Variants in PCDHGA7 observed in about 807,000 individuals in gnomAD.
The protein encoded by PCDHGA7 is protocadherin gamma subfamily A, 7, also known as protocadherin gamma-A7.
PCDHGA7 carries 44 observed loss-of-function variants against 58.3 expected under a neutral mutation model. The ratio of observed to expected loss-of-function variants is 0.75; its 90% CI spans 0.59 to 0.97. PCDHGA7 has a LOEUF of 0.97. Ranked by LOEUF, PCDHGA7 falls within the 50% of genes least tolerant of loss-of-function variation. PCDHGA7 has a pLI of 0.00. For missense variants in PCDHGA7, 1,266 were observed against 1,188.7 expected (o/e 1.06, Z -0.96); for synonymous variants, 516 against 504.2 (o/e 1.02, Z -0.31).
At chr5:141,403,314 T>C (rs1178188100) in intron 1 of PCDHGA7, 7 of 1,613,856 alleles carry the variant, frequency 4.3e-6, no homozygotes, top group Non-Finnish European at 5.1e-6. Flanking sequence ...GGAATAGAAA[T>C]AGAAGTAACT....
intron 1 of PCDHGA7, chr5:141,422,419 A>G (rs1318381358): frequency 8.7e-6 from 14 of 1,607,158 alleles, no homozygotes; most frequent in Non-Finnish European, 1.2e-5. Context: ...ATTAGAAAAG[A>G]CTTATGGAAA....
chr5:141,388,382 A>T, intron 1 of PCDHGA7: 1 of 1,614,018 alleles, frequency 6.2e-7, no homozygotes, highest in Non-Finnish European at 8.5e-7. Flanking sequence ...GTAGCAACAC[A>T]CTGCAGAATT....
chr5:141,409,293 T>G, intron 1 of PCDHGA7: 1 of 1,613,992 alleles, frequency 6.2e-7, no homozygotes, highest in Non-Finnish European at 8.5e-7. Flanking sequence ...CCTCCAGGAA[T>G]GGTTGTTGCC....
At chr5:141,389,480 C>G in intron 1 of PCDHGA7, 1 of 1,613,150 alleles carries the variant, frequency 6.2e-7, no homozygotes, top group Non-Finnish European at 8.5e-7. Flanking sequence ...CACTGCAGGC[C>G]CGCGACCAGG....
At chr5:141,423,150 G>T in intron 1 of PCDHGA7, 1 of 1,613,538 alleles carries the variant, frequency 6.2e-7, no homozygotes, top group Non-Finnish European at 8.5e-7. Flanking sequence ...CGCTCAAGCA[G>T]AGCCTCGTGG....
intron 2 of PCDHGA7, among the ~76,000 whole-genome samples, chr5:141,499,234 A>G (rs1294400331): frequency 6.6e-6 from 1 of 152,008 alleles, no homozygotes; most frequent in Non-Finnish European, 1.5e-5. Flanking sequence ...AGCTGTCCCC[A>G]GCCTCTGCAC....
At chr5:141,479,953 CAGTT>C (rs1198160373) in intron 1 of PCDHGA7, among the ~76,000 whole-genome samples, 1 of 152,182 alleles carries the variant, frequency 6.6e-6, no homozygotes, top group African/African-American at 2.4e-5. Flanking sequence ...TTGGATTTGG[CAGTT>C]AGTCAAATGA....
At chr5:141,499,689 CTTTTTTTTTTT>C in intron 2 of PCDHGA7, among the ~76,000 whole-genome samples, 1 of 119,852 alleles carries the variant, frequency 8.3e-6, no homozygotes, top group Non-Finnish European at 1.7e-5. Context: ...TAACAGATGA[CTTTTTTTTTTT>C]TTTTTTTTTT....
chr5:141,423,672 T>A, intron 1 of PCDHGA7: 2 of 1,549,982 alleles, frequency 1.3e-6, no homozygotes, highest in Non-Finnish European at 1.7e-6. Context: ...TGAGATTTAT[T>A]TCTCTGCCTC....
At chr5:141,506,213 A>G (rs2154593866) in intron 3 of PCDHGA7, among the ~76,000 whole-genome samples, 1 of 152,204 alleles carries the variant, frequency 6.6e-6, no homozygotes, top group South Asian at 2.1e-4. Flanking sequence ...CACTTTGGGA[A>G]GCTGAGGCAG....
rs1588986326 is a variant in PCDHGA7, at chr5:141,385,013, T to C, written c.2114T>C (p.Leu705Pro). 1 of 1,614,162 alleles carries C rather than the reference T, an allele frequency of 6.2e-7. No homozygotes were observed. Among genetic ancestry groups the C allele is most frequent in the Non-Finnish European group, 8.5e-7 (1 of 1,180,034 alleles). ...GTGGCCACAGTCTCCTGCGTCTTCC[T>C]AGCCTTCGTCCTCGTACTGCTGGCG... ...VAVATVSCVF[L>P]AFVLVLLALR... Residue 705 changes from leucine (L) to proline (P), a missense_variant, in exon 1 of 4, where the codon CTA (leucine) becomes CCA (proline). Physicochemically the swap from Leu to Pro is moderately conservative, Grantham distance 98. Coordinates refer to ENST00000518325, the MANE Select transcript of PCDHGA7 (RefSeq NM_018920.4).
chr5:141,431,405 G>A lies in PCDHGA7; in HGVS notation c.2424+46082G>A, dbSNP rs2097369508. Reference sequence around the variant, plus strand: ...TCACCACCTGGTCCTTACGGCCTCCGACGGGGGCGACCCGGTGCGCACAGG... The same window carrying A: ...TCACCACCTGGTCCTTACGGCCTCCAACGGGGGCGACCCGGTGCGCACAGG... On this transcript the variant is annotated intron_variant, in intron 1 of 3. Transcript: ENST00000518325. The surrounding 1 kb of genome is among the most constrained non-coding windows in gnomAD (Gnocchi z 4.8). 1 of 1,613,614 alleles carries A rather than the reference G, an allele frequency of 6.2e-7. No individual in the cohort carries two copies.
At chr5:141,413,025 A>G in intron 1 of PCDHGA7, 1 of 740,544 alleles carries the variant, frequency 1.4e-6, no homozygotes, top group Non-Finnish European at 2.1e-6. Context: ...CAAGCCCCAC[A>G]AACCGGCTGC....
Position 141,494,872 on chromosome 5 carries a change from G to A in PCDHGA7, c.2483+7G>A. On this transcript the variant is annotated splice_region_variant and intron_variant, in intron 2 of 3. Transcript: ENST00000518325. ...AGAGACCCGGCACCAGCGGGTAGGT[G>A]ACTGATTCTCCAGCCCACCCTCTTC... 1 of 1,614,128 alleles carries A rather than the reference G, an allele frequency of 6.2e-7. No individual in the cohort carries two copies. Among genetic ancestry groups the A allele is most frequent in the South Asian group, 1.1e-5 (1 of 91,074 alleles).
chr5:141,399,658 T>G (rs766038311), intron 1 of PCDHGA7: 22 of 1,613,572 alleles, frequency 1.4e-5, no homozygotes, highest in South Asian at 4.4e-5. Flanking sequence ...TGGGGTGGTG[T>G]TCGCGCAGCG....
At chr5:141,474,912 C>T (rs1018411233) in intron 1 of PCDHGA7, among the ~76,000 whole-genome samples, 6 of 152,214 alleles carry the variant, frequency 3.9e-5, no homozygotes, top group African/African-American at 1.2e-4. Flanking sequence ...CAAGGATATA[C>T]ATCTCATCTC....
chr5:141,419,699 C>A (rs1488905080), intron 1 of PCDHGA7: 1 of 1,612,924 alleles, frequency 6.2e-7, no homozygotes. Context: ...GGCCAGTGAG[C>A]CCGGGCTCTT....
chr5:141,431,560 C>T lies in PCDHGA7; in HGVS notation c.2424+46237C>T, dbSNP rs751276470. On this transcript the variant is annotated intron_variant, in intron 1 of 3. Coordinates refer to ENST00000518325, the MANE Select transcript of PCDHGA7 (RefSeq NM_018920.4). This position sits in a 1 kb window ranked among gnomAD's most constrained non-coding sequence, Gnocchi z 4.8. ...CGCAGCTGCTTGTAGTCAACGCTAC[C>T]GACCCTGACGAAGGAGTCAATGCGG... The T allele has an allele frequency of 6.2e-7, 1 of 1,614,104 alleles. No individual in the cohort carries two copies. The highest frequency in any genetic ancestry group is 1.7e-5 in the Admixed American group (1 of 60,036).
intron 1 of PCDHGA7, chr5:141,398,470 A>G: frequency 6.2e-7 from 1 of 1,604,828 alleles, no homozygotes; most frequent in Non-Finnish European, 8.5e-7. Flanking sequence ...AAATCCACTG[A>G]ACTTTTATCA....
Sources: gnomAD v4.1 joint callset for allele counts (sites outside exome capture counted in the v4.1 genomes callset) on GRCh38, gnomAD v4.1.1 for gene constraint, Gnocchi (gnomAD v3.1) non-coding constraint, MANE v1.5 for transcripts, NCBI Gene and HGNC (gene_info 2026-07-23, HGNC 2026-07-21) for gene names.